RBFOX1: variants seen among roughly 807,000 people sequenced by gnomAD.
RBFOX1 encodes the protein RNA binding fox-1 homolog 1, also known as RNA binding protein fox-1 homolog 1.
RBFOX1 carries 8 observed loss-of-function variants against 57.7 expected under a neutral mutation model. That is an observed-to-expected ratio of 0.14 (90% CI 0.08 to 0.25). The LOEUF is 0.25. Ranked by LOEUF, RBFOX1 falls within the 10% of genes least tolerant of loss-of-function variation. RBFOX1 has a pLI of 1.00. For missense variants in RBFOX1, 611 were observed against 548.5 expected (o/e 1.11, Z -1.14); for synonymous variants, 326 against 222.4 (o/e 1.47, Z -4.15).
intron 3 of RBFOX1, among the ~76,000 whole-genome samples, chr16:5,660,071 G>T (rs78851195): frequency 0.042 from 6,434 of 152,126 alleles, 467 homozygotes; most frequent in African/African-American, 0.15. Flanking sequence ...AGACCAACGG[G>T]GTTCAAGGCG....
intron 4 of RBFOX1, among the ~76,000 whole-genome samples, chr16:5,903,321 C>G (rs2058355894): frequency 2.0e-5 from 3 of 152,182 alleles, no homozygotes; most frequent in Admixed American, 1.3e-4. Context: ...TGTGCATGCT[C>G]CAGTATCAAC....
intron 4 of RBFOX1, among the ~76,000 whole-genome samples, chr16:7,365,462 G>C (rs1230305745): frequency 2.0e-5 from 3 of 152,216 alleles, no homozygotes; most frequent in African/African-American, 4.8e-5. Context: ...CTTTCAGTGA[G>C]TGATTCTCAA....
intron 2 of RBFOX1, among the ~76,000 whole-genome samples, chr16:6,443,097 C>A (rs912404048): frequency 6.6e-6 from 1 of 152,130 alleles, no homozygotes; most frequent in South Asian, 2.1e-4. Context: ...AAACAGTTCC[C>A]AGCCCCCAGT....
intron 3 of RBFOX1, among the ~76,000 whole-genome samples, chr16:5,649,272 G>A (rs866016014): frequency 2.0e-5 from 3 of 151,962 alleles, no homozygotes; most frequent in Non-Finnish European, 2.9e-5. Flanking sequence ...GGGTTCAAGC[G>A]ATTCTCTTGT....
intron 3 of RBFOX1, among the ~76,000 whole-genome samples, chr16:6,929,983 C>A (rs1343847471): frequency 2.0e-5 from 3 of 152,132 alleles, no homozygotes; most frequent in Non-Finnish European, 4.4e-5. Context: ...CAAACCTGTC[C>A]AGGAAGTAAT....
chr16:5,326,009 A>G (rs1056376631), intron 1 of RBFOX1, among the ~76,000 whole-genome samples: 1 of 152,184 alleles, frequency 6.6e-6, no homozygotes, highest in Non-Finnish European at 1.5e-5. Flanking sequence ...ACAGCTTGGC[A>G]TTATATAATT....
intron 4 of RBFOX1, among the ~76,000 whole-genome samples, chr16:7,268,835 G>C (rs890231088): frequency 4.0e-5 from 6 of 151,800 alleles, no homozygotes; most frequent in African/African-American, 1.5e-4. Flanking sequence ...TCAGGAGTTC[G>C]ATACCAGTTT....
At chr16:6,866,645 C>A (rs545451295) in intron 3 of RBFOX1, among the ~76,000 whole-genome samples, 74 of 149,762 alleles carry the variant, frequency 4.9e-4, no homozygotes, top group Non-Finnish European at 8.3e-4. Flanking sequence ...CGGTTCACGC[C>A]ATTCTCCTGC....
chr16:7,391,056 C>T (rs1371574046), intron 4 of RBFOX1, among the ~76,000 whole-genome samples: 3 of 152,044 alleles, frequency 2.0e-5, no homozygotes, highest in Admixed American at 1.3e-4. Context: ...TGTGCCTGTT[C>T]CTTCTGCTCC....
Position 5,556,579 on chromosome 16 carries a change from T to C in RBFOX1, c.259-42323T>C, listed in dbSNP as rs148141149. 3.3e-3 allele frequency among the ~76,000 whole-genome samples: 503 copies of C among 152,316 alleles called. 5 individuals are homozygous for C. The highest frequency in any genetic ancestry group is 0.012 in the African/African-American group (480 of 41,556). On this transcript the variant is annotated intron_variant, in intron 2 of 2. Coordinates refer to the RBFOX1 transcript ENST00000585867. The stretch of plus-strand genomic sequence containing the variant: ...CGGCTGCCTGAAGTTTGAGGGGAGA[T>C]GTTTACTGGGGTTGCTGGCTGAGCT...
chr16:7,484,567 A>T (rs12925958), intron 4 of RBFOX1, among the ~76,000 whole-genome samples: 51,931 of 152,040 alleles, frequency 0.34, 10,993 homozygotes, highest in Non-Finnish European at 0.48. Flanking sequence ...AGTTCAAGCA[A>T]TTCTCCTACC....
chr16:6,390,381 C>G (rs529797142), intron 2 of RBFOX1, among the ~76,000 whole-genome samples: 1 of 152,192 alleles, frequency 6.6e-6, no homozygotes, highest in East Asian at 1.9e-4. Flanking sequence ...GTGCAGGTAC[C>G]TAGTGTTTTA....
chr16:7,041,529 A>C (rs1008975534), intron 3 of RBFOX1, among the ~76,000 whole-genome samples: 2 of 152,092 alleles, frequency 1.3e-5, no homozygotes, highest in Admixed American at 6.5e-5. Context: ...TCGCCGTTGC[A>C]CTCTGGTAAA....
At chr16:6,447,443 G>A (rs889707395) in intron 2 of RBFOX1, among the ~76,000 whole-genome samples, 4 of 152,188 alleles carry the variant, frequency 2.6e-5, no homozygotes, top group South Asian at 2.1e-4. Flanking sequence ...TGAGGTAGGC[G>A]TTAAGTGGAC....
chr16:6,063,350 G>A (rs1179927886), intron 1 of RBFOX1, among the ~76,000 whole-genome samples: 3 of 151,966 alleles, frequency 2.0e-5, no homozygotes, highest in Non-Finnish European at 4.4e-5. Context: ...AATCAATATG[G>A]GTTCATTAAC....
intron 1 of RBFOX1, among the ~76,000 whole-genome samples, chr16:6,074,462 C>T (rs1256751718): frequency 2.6e-5 from 4 of 152,180 alleles, no homozygotes; most frequent in African/African-American, 9.7e-5. Context: ...TTGGTTGGTT[C>T]TACCACATGC....
intron 1 of RBFOX1, among the ~76,000 whole-genome samples, chr16:5,266,779 G>A (rs1412518770): frequency 1.3e-5 from 2 of 151,508 alleles, no homozygotes; most frequent in Non-Finnish European, 2.9e-5. Context: ...GGCTGGTCTC[G>A]AGCTGTTGGG....
intron 2 of RBFOX1, among the ~76,000 whole-genome samples, chr16:5,492,111 G>C (rs148398685): frequency 6.6e-6 from 1 of 152,254 alleles, no homozygotes; most frequent in South Asian, 2.1e-4. Flanking sequence ...AGAAACACCA[G>C]GGCTGAGGCC....
rs915130084 is a variant in RBFOX1, at chr16:7,267,416, A to G, written c.27+215318A>G. 5.3e-5 allele frequency among the ~76,000 whole-genome samples: 8 copies of G among 151,032 alleles called. No homozygotes were observed. In the East Asian group the frequency reaches 7.8e-4, roughly 15 times the overall value. ...TCAGATGTGGTGGTGTGCACCTGCAATCCCAGTTACTTGAGAGGCTGAGGC... is the reference window on the plus strand; with the variant it reads ...TCAGATGTGGTGGTGTGCACCTGCAGTCCCAGTTACTTGAGAGGCTGAGGC... On this transcript the variant is annotated intron_variant, in intron 4 of 15. Coordinates refer to ENST00000550418, the MANE Select transcript of RBFOX1 (RefSeq NM_018723.4).
Sources: gnomAD v4.1 joint callset for allele counts (sites outside exome capture counted in the v4.1 genomes callset) on GRCh38, gnomAD v4.1.1 for gene constraint, MANE v1.5 for transcripts, NCBI Gene and HGNC (gene_info 2026-07-23, HGNC 2026-07-21) for gene names.